The following RNF38 variants were observed in gnomAD, a reference collection of about 807,000 sequenced individuals.
RNF38 encodes E3 ubiquitin-protein ligase RNF38.
Under a neutral mutation model 67.2 loss-of-function variants are expected in RNF38, and 15 were observed. That is an observed-to-expected ratio of 0.22 (90% CI 0.15 to 0.34). The LOEUF (loss-of-function observed/expected upper bound fraction) is 0.34. Ranked by LOEUF, RNF38 falls within the 10% of genes least tolerant of loss-of-function variation. The pLI is 1.00. For missense variants in RNF38, 524 were observed against 639.9 expected, an observed-to-expected ratio of 0.82 and a Z score of 1.95; for synonymous variants, 220 against 218.8, an observed-to-expected ratio of 1.01 and a Z score of -0.05.
chr9:36,480,498 T>G (rs1331410614), intron 1 of RNF38, among the ~76,000 whole-genome samples: 1 of 151,402 alleles, frequency 6.6e-6, no homozygotes, highest in Non-Finnish European at 1.5e-5. Flanking sequence ...CTACAAATTG[T>G]CCTACTACCT....
At chr9:36,399,252 G>A (rs1837793478) in intron 1 of RNF38, among the ~76,000 whole-genome samples, 1 of 152,104 alleles carries the variant, frequency 6.6e-6, no homozygotes, top group Non-Finnish European at 1.5e-5. Context: ...CACAGACGAA[G>A]TCAGAGGTGG....
chr9:36,367,954 C>A (rs529632090), intron 4 of RNF38, among the ~76,000 whole-genome samples: 1 of 152,158 alleles, frequency 6.6e-6, no homozygotes, highest in South Asian at 2.1e-4. Flanking sequence ...CAGGTTCAAG[C>A]GCTTCTCCTG....
intron 1 of RNF38, among the ~76,000 whole-genome samples, chr9:36,394,127 T>C (rs1302352890): frequency 1.3e-5 from 2 of 152,052 alleles, no homozygotes; most frequent in Non-Finnish European, 2.9e-5. Flanking sequence ...ATACAAAAAT[T>C]AGCTGGGCGT....
intron 1 of RNF38, among the ~76,000 whole-genome samples, chr9:36,474,862 C>A (rs1306973205): frequency 6.8e-6 from 1 of 147,924 alleles, no homozygotes; most frequent in Non-Finnish European, 1.5e-5. Flanking sequence ...ACACACAGGG[C>A]CGGGCGCGGT....
At chr9:36,345,750 T>A (rs972433447) in intron 9 of RNF38, among the ~76,000 whole-genome samples, 1 of 152,210 alleles carries the variant, frequency 6.6e-6, no homozygotes, top group Non-Finnish European at 1.5e-5. Context: ...CAAATAAGGA[T>A]CCAAACAAAT....
At chr9:36,360,153 GA>G (rs11291940) in intron 4 of RNF38, among the ~76,000 whole-genome samples, 61,332 of 150,120 alleles carry the variant, frequency 0.41, 12,776 homozygotes, top group Middle Eastern at 0.56. Context: ...AGACAGGATT[GA>G]AAAAAAAAAT....
intron 11 of RNF38, among the ~76,000 whole-genome samples, 167 bp downstream of exon 11, chr9:36,342,158 A>C (rs761274640): frequency 8.4e-6 from 1 of 118,388 alleles, no homozygotes; most frequent in Non-Finnish European, 1.7e-5. Flanking sequence ...TATGTTGTTG[A>C]CTGCAGTTAA....
intron 1 of RNF38, among the ~76,000 whole-genome samples, chr9:36,480,548 C>CTTTTTTTT (rs3072687): frequency 1.6e-3 from 161 of 100,800 alleles, no homozygotes; most frequent in South Asian, 2.5e-3. Context: ...TTTTCTTTTT[C>CTTTTTTTT]TTTTTTTTTT....
rs1037651505 is a variant in RNF38 at position 36,369,926 on chromosome 9, A to C, written c.363T>G (p.Pro121=). 5.6e-6 allele frequency: 9 copies of C among 1,611,468 alleles called. No individual in the cohort carries two copies. Among genetic ancestry groups the C allele is most frequent in the Non-Finnish European group, 7.6e-6 (9 of 1,179,016 alleles). The change falls in exon 4 of 12, where the codon CCT becomes CCG. Residue 121 remains proline, a synonymous_variant. Transcript: ENST00000259605. ...CCCTTCTTCCTCTCTGGCGCCTGAC[A>C]GGAGGACTGTGATAAATATCAAAAA... ...NTPARNRRSP[P]VRRQRGRRDR...
At chr9:36,442,728 G>A (rs369929272) in intron 1 of RNF38, among the ~76,000 whole-genome samples, 4 of 152,244 alleles carry the variant, frequency 2.6e-5, no homozygotes, top group Non-Finnish European at 4.4e-5. Flanking sequence ...GCAGCGAGCC[G>A]AGATCGTGCT....
At chr9:36,344,388 T>C (rs1424292484) in intron 10 of RNF38, among the ~76,000 whole-genome samples, 1 of 152,210 alleles carries the variant, frequency 6.6e-6, no homozygotes, top group Non-Finnish European at 1.5e-5. Flanking sequence ...TTTTAAAAGA[T>C]CCCATATTAA....
upstream of RNF38, among the ~76,000 whole-genome samples, chr9:36,404,336 A>G (rs1838130384): frequency 6.6e-6 from 1 of 152,216 alleles, no homozygotes; most frequent in Admixed American, 6.5e-5. Context: ...CTGCAGCTTT[A>G]TAAGACTTCC....
intron 1 of RNF38, among the ~76,000 whole-genome samples, chr9:36,480,183 T>C (rs1295244824): frequency 6.6e-6 from 1 of 152,070 alleles, no homozygotes; most frequent in Admixed American, 6.6e-5. Context: ...TTCACCATGT[T>C]GCTCAGGCTG....
intron 1 of RNF38, among the ~76,000 whole-genome samples, chr9:36,426,197 C>G (rs1241180437): frequency 6.6e-6 from 1 of 152,054 alleles, no homozygotes; most frequent in East Asian, 1.9e-4. Flanking sequence ...AGACACAATT[C>G]ACATACTACA....
rs1172312007 is a variant in RNF38 at position 36,423,805 on chromosome 9, C to T, written n.312+808G>A. Among the ~76,000 whole-genome samples, 8 of 88,842 alleles carry T rather than the reference C, an allele frequency of 9.0e-5. 1 individual carries two copies. The highest frequency in any genetic ancestry group is 2.0e-4 in the African/African-American group (5 of 25,288). The allele number at this position is 88,842 out of a possible 152,430, so 58.3% of individuals were successfully genotyped here. On this transcript the variant is annotated intron_variant and non_coding_transcript_variant, in intron 2 of 3. Coordinates refer to the RNF38 transcript ENST00000488058. ...TCTACTAAAAATACAAAAAATTAGCCGGGCGTGGTGGCGGGCGCCTGTAGT... is the reference window on the plus strand; with the variant it reads ...TCTACTAAAAATACAAAAAATTAGCTGGGCGTGGTGGCGGGCGCCTGTAGT...
At chr9:36,477,427 G>T (rs1840146268) in intron 1 of RNF38, among the ~76,000 whole-genome samples, 1 of 151,974 alleles carries the variant, frequency 6.6e-6, no homozygotes, top group African/African-American at 2.4e-5. Flanking sequence ...TATAATCCCA[G>T]CACTTTAGGA....
At chr9:36,433,231 A>G (rs1380976433) in intron 1 of RNF38, among the ~76,000 whole-genome samples, 1 of 151,940 alleles carries the variant, frequency 6.6e-6, no homozygotes, top group Non-Finnish European at 1.5e-5. Flanking sequence ...GGGTGACTAT[A>G]GTCAACATAA....
Position 36,357,880 on chromosome 9 carries a change from T to A in RNF38, c.633A>T (p.Pro211=). 1 of 1,614,046 alleles carries A rather than the reference T, an allele frequency of 6.2e-7. No homozygotes were observed. The highest frequency in any genetic ancestry group is 8.5e-7 in the Non-Finnish European group (1 of 1,179,958). ...CAGGGATGTGCTGGCCTGTGCAGAG[T>A]GGAATCCCATGTGGTGCCACTGTTG... The part of the protein sequence containing the change: ...TVTTVAPHGI[P]LCTGQHIPAC... Residue 211 remains proline (P), a synonymous_variant, in exon 5 of 12, where the codon CCA becomes CCT. Transcript: ENST00000259605.
upstream of RNF38, chr9:36,400,784 G>A (rs1837958463): frequency 1.0e-6 from 1 of 985,590 alleles, no homozygotes; most frequent in Non-Finnish European, 1.2e-6. Flanking sequence ...GCCCAGAGAT[G>A]ACAGAGTCGC....
Sources: allele counts gnomAD v4.1 joint callset (sites outside exome capture counted in the v4.1 genomes callset), GRCh38; gene constraint gnomAD v4.1.1; transcripts MANE v1.5; gene names NCBI Gene and HGNC (gene_info 2026-07-23, HGNC 2026-07-21).